CEP85L: variants seen among roughly 807,000 people sequenced by gnomAD.
CEP85L encodes centrosomal protein of 85 kDa-like.
In CEP85L, 60 loss-of-function variants were observed where a neutral mutation model predicts 100.3. That is an observed-to-expected ratio of 0.60 (90% confidence interval 0.49 to 0.74). The LOEUF is 0.74. Ranked by LOEUF, CEP85L falls within the 30% of genes least tolerant of loss-of-function variation. The pLI is 0.00. For missense variants in CEP85L, 973 were observed against 936.2 expected (o/e 1.04, Z -0.51); for synonymous variants, 319 against 322.7 (o/e 0.99, Z 0.12).
chr6:118,557,903 T>C (rs887124831), intron 3 of CEP85L, among the ~76,000 whole-genome samples: 3 of 152,004 alleles, frequency 2.0e-5, no homozygotes, highest in Admixed American at 6.6e-5. Flanking sequence ...ATGTTTTTAA[T>C]AGACCACCAC....
intron 10 of CEP85L, among the ~76,000 whole-genome samples, chr6:118,472,953 T>G (rs1338233696): frequency 1.3e-5 from 2 of 152,126 alleles, no homozygotes. Context: ...AATGCCCCAT[T>G]TACAAATAGC....
rs1772881053 is a variant in CEP85L, at chr6:118,470,631, T to C, written c.1928A>G (p.Lys643Arg). ...MILEIQSMQGKLSKEKLTTQK... is the reference protein window; with the variant it reads ...MILEIQSMQGRLSKEKLTTQK... Reference sequence around the variant, plus strand: ...AGTGGTCAGTTTCTCTTTAGAAAGCTTTCCTTGCATAGACTAGAATTTTTA... The same window carrying C: ...AGTGGTCAGTTTCTCTTTAGAAAGCCTTCCTTGCATAGACTAGAATTTTTA... Residue 643 changes from lysine to arginine, a missense_variant, in exon 11 of 13, where the codon AAG (lysine) becomes AGG (arginine). Lys to Arg is a conservative substitution (Grantham distance 26, BLOSUM62 2). This residue lies in a region of CEP85L where 890 missense variants were observed against 844.5 expected (regional missense o/e 1.05). Coordinates refer to ENST00000368491, the MANE Select transcript of CEP85L (RefSeq NM_001042475.3). 4 of 1,590,210 alleles carry C rather than the reference T, an allele frequency of 2.5e-6. No individual in the cohort carries two copies. The highest frequency in any genetic ancestry group is 2.6e-6 in the Non-Finnish European group (3 of 1,168,872).
chr6:118,639,492 T>G (rs1406211465), intron 1 of CEP85L, among the ~76,000 whole-genome samples: 1 of 152,178 alleles, frequency 6.6e-6, no homozygotes, highest in East Asian at 1.9e-4. Context: ...GATGAGACTC[T>G]TTCATGACTC....
chr6:118,551,614 C>A (rs1373608169), intron 3 of CEP85L, among the ~76,000 whole-genome samples: 1 of 152,004 alleles, frequency 6.6e-6, no homozygotes, highest in Non-Finnish European at 1.5e-5. Context: ...AGAAAAATAT[C>A]TCTGTGCTGT....
chr6:118,496,356 T>TATTTATTTTATTTTATTTTA (rs765668057), intron 5 of CEP85L, among the ~76,000 whole-genome samples: 1 of 139,460 alleles, frequency 7.2e-6, no homozygotes, highest in Non-Finnish European at 1.5e-5. Flanking sequence ...TATTTTATAT[T>TATTTATTTTATTTTATTTTA]TTTTATTTTA....
chr6:118,499,180 C>T (rs767094479), intron 5 of CEP85L, among the ~76,000 whole-genome samples: 1 of 152,066 alleles, frequency 6.6e-6, no homozygotes, highest in Non-Finnish European at 1.5e-5. Flanking sequence ...TCATCTAAGC[C>T]TCCACCTAGG....
At chr6:118,570,057 T>G (rs1779793692) in intron 2 of CEP85L, among the ~76,000 whole-genome samples, 1 of 152,182 alleles carries the variant, frequency 6.6e-6, no homozygotes, top group Admixed American at 6.5e-5. Flanking sequence ...CATACATATC[T>G]AGATATGTAG....
intron 3 of CEP85L, among the ~76,000 whole-genome samples, chr6:118,536,920 A>T (rs1216504220): frequency 1.4e-4 from 21 of 152,196 alleles, no homozygotes; most frequent in Admixed American, 1.4e-3. Flanking sequence ...AAGTAGTTAG[A>T]AAACAAGAAT....
chr6:118,634,655 G>C (rs1774378629), intron 1 of CEP85L, among the ~76,000 whole-genome samples: 1 of 146,692 alleles, frequency 6.8e-6, no homozygotes, highest in Non-Finnish European at 1.5e-5. Context: ...TCACATTAAA[G>C]CACCAGAAGA....
intron 2 of CEP85L, among the ~76,000 whole-genome samples, chr6:118,596,319 C>T (rs1244973153): frequency 6.6e-6 from 1 of 152,012 alleles, no homozygotes; most frequent in Non-Finnish European, 1.5e-5. Flanking sequence ...GCAGGTTATT[C>T]CCAATATTCA....
intron 6 of CEP85L, among the ~76,000 whole-genome samples, chr6:118,488,180 G>C (rs1404527540): frequency 1.3e-5 from 2 of 151,688 alleles, no homozygotes; most frequent in East Asian, 3.9e-4. Context: ...TAACACACAG[G>C]GAAATATGTC....
intron 3 of CEP85L, among the ~76,000 whole-genome samples, chr6:118,554,697 T>A (rs982850608): frequency 1.3e-5 from 2 of 152,144 alleles, no homozygotes; most frequent in African/African-American, 2.4e-5. Flanking sequence ...CCAGTAGAGG[T>A]GACAACCAAT....
At position 118,702,232 on chromosome 6, in the gene CEP85L, T is replaced by G. The variant is rs540040681; in HGVS notation, c.-28+7804A>C. ...TTACCTAAATTTTAAAAATTTTGGC[T>G]GGACACAGTGGCTCACGCCTATAAT... On this transcript the variant is annotated intron_variant, in intron 1 of 13. Coordinates refer to the CEP85L transcript ENST00000368488. Among the ~76,000 whole-genome samples the G allele has an allele frequency of 2.0e-5, 3 of 152,274 alleles. No homozygotes were observed. In the East Asian group the frequency reaches 5.8e-4, roughly 29 times the overall value.
At chr6:118,528,439 T>G (rs1206461848) in intron 3 of CEP85L, among the ~76,000 whole-genome samples, 1 of 152,066 alleles carries the variant, frequency 6.6e-6, no homozygotes, top group Non-Finnish European at 1.5e-5. Flanking sequence ...ATCTAAACCC[T>G]TTAGAAATAA....
At chr6:118,479,680 AT>A (rs1252329787) in intron 10 of CEP85L, among the ~76,000 whole-genome samples, 190 bp downstream of exon 10, 1 of 152,102 alleles carries the variant, frequency 6.6e-6, no homozygotes, top group Non-Finnish European at 1.5e-5. Context: ...AATCTTTACA[AT>A]TTTTTAGGAT....
intron 2 of CEP85L, among the ~76,000 whole-genome samples, chr6:118,592,934 CT>C (rs1223889673): frequency 6.6e-6 from 1 of 151,996 alleles, no homozygotes; most frequent in African/African-American, 2.4e-5. Flanking sequence ...CTTTTGCCTT[CT>C]TTCTACTTTG....
intron 12 of CEP85L, among the ~76,000 whole-genome samples, chr6:118,467,914 T>C (rs1772649581): frequency 6.6e-6 from 1 of 152,166 alleles, no homozygotes; most frequent in South Asian, 2.1e-4. Context: ...GCTCCCACTG[T>C]CCTTTGTCCA....
chr6:118,574,979 G>A lies in CEP85L; in HGVS notation c.233-8663C>T, dbSNP rs529460284. Among the ~76,000 whole-genome samples the A allele has an allele frequency of 7.3e-4, 111 of 152,240 alleles. 1 individual carries two copies. Among genetic ancestry groups the A allele is most frequent in the Non-Finnish European group, 1.2e-3 (83 of 68,020 alleles). ...GCAAGAAACCTCCAGTTGGTTGGGG[G>A]GCGGGGGCAGTGGTGAGCCTCTAGG... On this transcript the variant is annotated intron_variant, in intron 2 of 12. Coordinates refer to ENST00000368491, the MANE Select transcript of CEP85L (RefSeq NM_001042475.3).
At chr6:118,590,739 C>A (rs117520944) in intron 2 of CEP85L, among the ~76,000 whole-genome samples, 1 of 152,184 alleles carries the variant, frequency 6.6e-6, no homozygotes, top group East Asian at 1.9e-4. Context: ...ATGCACCTAC[C>A]CCAGAAAACA....
Sources: gnomAD v4.1 joint callset for allele counts (sites outside exome capture counted in the v4.1 genomes callset) on GRCh38, gnomAD v4.1.1 for gene constraint, gnomAD v4.1.1 regional missense constraint, MANE v1.5 for transcripts, NCBI Gene and HGNC (gene_info 2026-07-23, HGNC 2026-07-21) for gene names.